Variants in PDE10A observed in about 807,000 individuals in gnomAD.
PDE10A encodes cAMP and cAMP-inhibited cGMP 3',5'-cyclic phosphodiesterase 10A.
A neutral mutation model predicts 97.7 loss-of-function variants in PDE10A; 39 were observed. The ratio of observed to expected loss-of-function variants is 0.40; its 90% CI spans 0.31 to 0.52. The LOEUF is 0.52. Among genes scored for constraint, PDE10A ranks in the 20% least tolerant of loss-of-function variants. PDE10A has a pLI of 0.56. For missense variants in PDE10A, 731 were observed against 1,047.8 expected (o/e 0.70, Z 4.17); for synonymous variants, 371 against 376.8 (o/e 0.98, Z 0.18).
rs148733279 is a variant in PDE10A, at chr6:165,825,573, A to G, written c.-615+161956T>C. On this transcript the variant is annotated intron_variant, in intron 1 of 19. Transcript: ENST00000366882. ...CAAAAGGCTCCTGCTGGGCCTCTCCAGCCATCTGGGCGGCCACAAAACAAA... is the reference window on the plus strand; with the variant it reads ...CAAAAGGCTCCTGCTGGGCCTCTCCGGCCATCTGGGCGGCCACAAAACAAA... Among the ~76,000 whole-genome samples the G allele has an allele frequency of 3.8e-4, 58 of 152,312 alleles. No homozygotes were observed. In the East Asian group the frequency reaches 0.011, roughly 28 times the overall value.
At chr6:165,738,582 C>T (rs933299482) in intron 1 of PDE10A, among the ~76,000 whole-genome samples, 1 of 151,786 alleles carries the variant, frequency 6.6e-6, no homozygotes. Flanking sequence ...CCTGAGGAAT[C>T]GCCACACTGA....
intron 3 of PDE10A, among the ~76,000 whole-genome samples, chr6:165,453,199 C>T (rs1288345244): frequency 6.6e-6 from 1 of 152,130 alleles, no homozygotes; most frequent in African/African-American, 2.4e-5. Flanking sequence ...CATGACTACT[C>T]TTAACTGCAC....
chr6:165,343,497 C>T lies in PDE10A; in HGVS notation c.2789G>A (p.Arg930His), dbSNP rs138994439. The change falls in exon 19 of 22, where the codon CGT becomes CAT. Residue 930 changes from arginine to histidine, a missense_variant. Arg to His is a conservative substitution (Grantham distance 29). This residue lies in a region of PDE10A where 96 missense variants were observed against 156.7 expected (regional missense o/e 0.61). Coordinates refer to ENST00000539869, the MANE Select transcript of PDE10A (RefSeq NM_001385079.1). ...GGCAGTCATCATCAAACCAATTACACGGTCTCTAGAACACAACAATATAAG... is the reference window on the plus strand; with the variant it reads ...GGCAGTCATCATCAAACCAATTACATGGTCTCTAGAACACAACAATATAAG... ...LNLNNQSHRD[R>H]VIGLMMTACD... 13 of 1,609,484 alleles carry T rather than the reference C, an allele frequency of 8.1e-6. No homozygotes were observed. Among genetic ancestry groups the T allele is most frequent in the African/African-American group, 1.3e-5 (1 of 74,814 alleles).
At chr6:165,461,553 C>G (rs534747319) in intron 3 of PDE10A, among the ~76,000 whole-genome samples, 2 of 152,256 alleles carry the variant, frequency 1.3e-5, no homozygotes, top group South Asian at 4.2e-4. Flanking sequence ...TGGTTCATTC[C>G]GCACAGTTAA....
At chr6:165,917,234 A>T (rs1360918528) in intron 1 of PDE10A, among the ~76,000 whole-genome samples, 1 of 152,124 alleles carries the variant, frequency 6.6e-6, no homozygotes, top group Non-Finnish European at 1.5e-5. Flanking sequence ...ACCCTTCCCT[A>T]GGTGCCCGCA....
intron 1 of PDE10A, among the ~76,000 whole-genome samples, chr6:165,608,266 C>G (rs1787321057): frequency 8.5e-6 from 1 of 117,988 alleles, no homozygotes; most frequent in African/African-American, 3.1e-5. Context: ...CCCCCCTCCC[C>G]CACCCCACAA....
rs147070657 is a variant in PDE10A at position 165,696,109 on chromosome 6, AG to A, written c.-614-152542del. Among the ~76,000 whole-genome samples the A allele has an allele frequency of 8.2e-3, 1,241 of 152,190 alleles. 20 individuals carry two copies. The highest frequency in any genetic ancestry group is 0.028 in the African/African-American group (1,150 of 41,530). ...ATGACACTGTGTGTTGGTGTTGGGG[AG>A]GGGGAAGGAAGATGGATGTCACTAA... is the stretch of plus-strand genomic sequence containing the variant. On this transcript the variant is annotated intron_variant, in intron 1 of 19. Transcript: ENST00000366882.
At chr6:165,890,327 CCCTGTCAA>C (rs1211676561) in intron 1 of PDE10A, among the ~76,000 whole-genome samples, 3 of 152,086 alleles carry the variant, frequency 2.0e-5, no homozygotes, top group Non-Finnish European at 4.4e-5. Context: ...GGTGGCCTGA[CCCTGTCAA>C]TAGCATTTAC....
chr6:165,448,887 T>G, intron 5 of PDE10A, 41 bp downstream of exon 5: 2 of 1,284,110 alleles, frequency 1.6e-6, no homozygotes, highest in Non-Finnish European at 2.2e-6. Flanking sequence ...CTTATGATAT[T>G]TTCTTATCTA....
Position 165,943,262 on chromosome 6 carries a change from GGAAGGAAGGAAGGAAA to G in PDE10A, c.-615+44251_-615+44266del, listed in dbSNP as rs1473459120. Among the ~76,000 whole-genome samples the G allele has an allele frequency of 1.1e-4, 9 of 79,640 alleles. 1 individual carries two copies. The highest frequency in any genetic ancestry group is 6.0e-4 in the African/African-American group (9 of 14,964). The allele number at this position is 79,640 out of a possible 152,430, so 52.2% of individuals were successfully genotyped here. A position where few individuals can be genotyped will look rare whatever the true frequency, so the allele number is the denominator to read the frequency against. ...AGGAAGGAAGGAAGGAAGGAAGGAA[GGAAGGAAGGAAGGAAA>G]GAAAGAAAGAAAGAAGGAAAGAAAG... On this transcript the variant is annotated intron_variant, in intron 1 of 19. Coordinates refer to the PDE10A transcript ENST00000366882.
chr6:165,334,922 A>C (rs1015931947), intron 21 of PDE10A, among the ~76,000 whole-genome samples: 29 of 152,286 alleles, frequency 1.9e-4, no homozygotes, highest in Admixed American at 1.8e-3. Context: ...AGAGTATACT[A>C]AGTTTCTGGT....
chr6:165,363,497 C>G (rs1349187217), intron 18 of PDE10A, among the ~76,000 whole-genome samples: 1 of 151,438 alleles, frequency 6.6e-6, no homozygotes, highest in Non-Finnish European at 1.5e-5. Flanking sequence ...GCCTGGGCGA[C>G]TGAGTGAGAC....
chr6:165,460,817 C>A (rs996553195), intron 3 of PDE10A, among the ~76,000 whole-genome samples: 24 of 151,982 alleles, frequency 1.6e-4, no homozygotes, highest in African/African-American at 5.8e-4. Flanking sequence ...CCCTCAGAAT[C>A]AACATACAAT....
intron 18 of PDE10A, 67 bp from the exon 19 acceptor site, chr6:165,343,569 C>A: frequency 1.8e-6 from 2 of 1,116,236 alleles, no homozygotes; most frequent in South Asian, 2.5e-5. Context: ...ACTAGAAAGA[C>A]TTCTGTATTT....
intron 1 of PDE10A, among the ~76,000 whole-genome samples, chr6:165,632,748 C>T (rs1788692035): frequency 6.6e-6 from 1 of 152,194 alleles, no homozygotes; most frequent in Non-Finnish European, 1.5e-5. Context: ...CCAGTCGAAT[C>T]CAATACCTTT....
intron 1 of PDE10A, among the ~76,000 whole-genome samples, chr6:165,885,687 A>G (rs1781612359): frequency 6.6e-6 from 1 of 152,220 alleles, no homozygotes; most frequent in African/African-American, 2.4e-5. Flanking sequence ...CTGGTTGTCT[A>G]AAGCTCCTGG....
chr6:165,690,244 T>C (rs1471587594), intron 1 of PDE10A, among the ~76,000 whole-genome samples: 1 of 152,216 alleles, frequency 6.6e-6, no homozygotes, highest in African/African-American at 2.4e-5. Flanking sequence ...GGGACTGTTA[T>C]TAATTTCCCC....
intron 1 of PDE10A, among the ~76,000 whole-genome samples, chr6:165,574,129 A>G (rs1457897814): frequency 6.6e-6 from 1 of 152,220 alleles, no homozygotes; most frequent in Non-Finnish European, 1.5e-5. Context: ...TCTGCCTTCA[A>G]ACTCAAACTT....
chr6:165,613,768 T>C (rs940356520), intron 1 of PDE10A, among the ~76,000 whole-genome samples: 2 of 152,228 alleles, frequency 1.3e-5, no homozygotes, highest in African/African-American at 4.8e-5. Context: ...AGTAATACTT[T>C]AATTAACAAC....
Sources: allele counts gnomAD v4.1 joint callset (sites outside exome capture counted in the v4.1 genomes callset), GRCh38; gene constraint gnomAD v4.1.1; regional missense constraint gnomAD v4.1.1; transcripts MANE v1.5; gene names NCBI Gene and HGNC (gene_info 2026-07-23, HGNC 2026-07-21).